The following RAPGEF6 variants were observed in gnomAD, a reference collection of about 807,000 sequenced individuals.
RAPGEF6 encodes PDZ domain containing guanine nucleotide exchange factor (GEF) 2.
In RAPGEF6, 56 loss-of-function variants were observed where a neutral mutation model predicts 171.4. The observed-to-expected ratio is 0.33, with a 90% CI of 0.26 to 0.41. RAPGEF6 has a LOEUF of 0.41. RAPGEF6 is among the 10% of genes least tolerant of loss of function. RAPGEF6 has a pLI of 1.00. For synonymous variants in RAPGEF6, 692 were observed against 650.1 expected, an observed-to-expected ratio of 1.06 and a Z score of -0.98; for missense variants, 1,674 against 1,921.4, an observed-to-expected ratio of 0.87 and a Z score of 2.41.
At chr5:131,550,182 A>G (rs1333173960) in intron 5 of RAPGEF6, among the ~76,000 whole-genome samples, 1 of 152,098 alleles carries the variant, frequency 6.6e-6, no homozygotes, top group Non-Finnish European at 1.5e-5. Flanking sequence ...AAACCACAGC[A>G]ATAGGTGATC....
chr5:131,596,915 T>C lies in RAPGEF6; in HGVS notation c.198-4449A>G, dbSNP rs537935440. Reference sequence around the variant, plus strand: ...CTGATTACATCAAACTAAAAAGTTTTTGCGCAGCAAAGGAAACAACTGACA... The same window carrying C: ...CTGATTACATCAAACTAAAAAGTTTCTGCGCAGCAAAGGAAACAACTGACA... On this transcript the variant is annotated intron_variant, in intron 3 of 27. Transcript: ENST00000509018. Among the ~76,000 whole-genome samples the C allele has an allele frequency of 3.9e-5, 6 of 152,288 alleles. No individual in the cohort carries two copies. The South Asian group carries it at 1.2e-3, about 32-fold the overall frequency.
intron 9 of RAPGEF6, 33 bp downstream of exon 9, chr5:131,508,038 T>C (rs1757478070): frequency 6.6e-7 from 1 of 1,519,460 alleles, no homozygotes; most frequent in Non-Finnish European, 8.9e-7. Flanking sequence ...TTAGTATCCA[T>C]AATAAATGTA....
At chr5:131,604,511 T>C (rs753229963) in intron 2 of RAPGEF6, 112 bp downstream of exon 2, 34 of 1,226,324 alleles carry the variant, frequency 2.8e-5, no homozygotes, top group Non-Finnish European at 3.5e-5. Context: ...CTATAATGCA[T>C]ATACCAAGGG....
chr5:131,588,554 C>T (rs920494071), intron 4 of RAPGEF6, among the ~76,000 whole-genome samples: 6 of 151,932 alleles, frequency 3.9e-5, no homozygotes, highest in African/African-American at 2.4e-5. Context: ...ACCAGCCTGG[C>T]CAACATGGTG....
At chr5:131,527,510 T>G (rs577883667) in intron 6 of RAPGEF6, among the ~76,000 whole-genome samples, 10 of 152,086 alleles carry the variant, frequency 6.6e-5, no homozygotes, top group African/African-American at 2.2e-4. Context: ...ATTTGAGGAG[T>G]AGCCACTTTG....
At chr5:131,436,425 T>A (rs1326413198) in intron 24 of RAPGEF6, 2 of 1,429,882 alleles carry the variant, frequency 1.4e-6, no homozygotes, top group East Asian at 2.5e-5. Context: ...CAATCACAAT[T>A]AGCCTTGTTT....
At chr5:131,529,581 G>A (rs1274421218) in intron 6 of RAPGEF6, among the ~76,000 whole-genome samples, 1 of 151,630 alleles carries the variant, frequency 6.6e-6, no homozygotes, top group African/African-American at 2.4e-5. Flanking sequence ...AGGCAATCCA[G>A]GGCAAAACTT....
chr5:131,433,451 TCTC>T lies in RAPGEF6; in HGVS notation c.3950_3952del (p.Gly1317del). ...TTACCCAGGGCCATGTTGACTATGA[TCTC>T]CTATCCCTGAAGCGTGCTCTGTCTT... On this transcript the variant is annotated inframe_deletion, in exon 25 of 28. Transcript: ENST00000509018. 5.0e-6 allele frequency: 8 copies of T among 1,612,610 alleles called. No homozygotes were observed. Among genetic ancestry groups the T allele is most frequent in the Non-Finnish European group, 6.8e-6 (8 of 1,178,616 alleles).
chr5:131,599,673 A>T (rs965027876), intron 3 of RAPGEF6, among the ~76,000 whole-genome samples: 9 of 152,180 alleles, frequency 5.9e-5, no homozygotes, highest in Non-Finnish European at 1.2e-4. Flanking sequence ...TTCAATCAAC[A>T]ATTTACATTT....
intron 6 of RAPGEF6, among the ~76,000 whole-genome samples, chr5:131,526,237 T>C (rs1046760669): frequency 6.6e-5 from 10 of 152,180 alleles, no homozygotes; most frequent in Admixed American, 4.6e-4. Flanking sequence ...CCTTACACAA[T>C]GGGAATAATG....
intron 6 of RAPGEF6, 142 bp downstream of exon 6, chr5:131,547,905 T>C: frequency 1.2e-6 from 1 of 827,196 alleles, no homozygotes; most frequent in Non-Finnish European, 1.9e-6. Flanking sequence ...AACAGAAGCA[T>C]TTAAAAAGAT....
intron 16 of RAPGEF6, among the ~76,000 whole-genome samples, chr5:131,475,584 T>G (rs1580884104): frequency 6.6e-6 from 1 of 152,214 alleles, no homozygotes; most frequent in South Asian, 2.1e-4. Context: ...GAGATGTTAC[T>G]TAGGCAACTG....
At chr5:131,512,114 G>A (rs1363977714) in intron 7 of RAPGEF6, among the ~76,000 whole-genome samples, 1 of 152,154 alleles carries the variant, frequency 6.6e-6, no homozygotes, top group Non-Finnish European at 1.5e-5. Flanking sequence ...CAAAGACTCA[G>A]AGCAACAAAG....
At chr5:131,516,461 C>T (rs1451546650) in intron 7 of RAPGEF6, among the ~76,000 whole-genome samples, 1 of 152,058 alleles carries the variant, frequency 6.6e-6, no homozygotes, top group Non-Finnish European at 1.5e-5. Flanking sequence ...ATTGGCACTC[C>T]GAGCTGTGCA....
intron 3 of RAPGEF6, among the ~76,000 whole-genome samples, chr5:131,596,324 CATT>C (rs1199359278): frequency 6.7e-6 from 1 of 148,352 alleles, no homozygotes; most frequent in Non-Finnish European, 1.5e-5. Context: ...ATAACAATTA[CATT>C]ATTTATAATA....
At chr5:131,539,153 T>C (rs985905884) in intron 6 of RAPGEF6, among the ~76,000 whole-genome samples, 2 of 152,196 alleles carry the variant, frequency 1.3e-5, no homozygotes, top group African/African-American at 4.8e-5. Context: ...CACTGTCTTA[T>C]ATACAAATAA....
At chr5:131,504,399 T>C (rs575664584) in intron 11 of RAPGEF6, among the ~76,000 whole-genome samples, 37 of 150,886 alleles carry the variant, frequency 2.5e-4, no homozygotes, top group Non-Finnish European at 4.7e-4. Flanking sequence ...GAGGCGGAGG[T>C]TGCAGTGAGC....
chr5:131,604,585 T>C (rs1380493953), intron 2 of RAPGEF6, 38 bp downstream of exon 2: 1 of 1,598,128 alleles, frequency 6.3e-7, no homozygotes, highest in Admixed American at 1.7e-5. Flanking sequence ...AATGAATGGC[T>C]ATACAGCGTG....
At chr5:131,597,328 T>G (rs1017322480) in intron 3 of RAPGEF6, among the ~76,000 whole-genome samples, 1 of 148,608 alleles carries the variant, frequency 6.7e-6, no homozygotes, top group East Asian at 2.0e-4. Context: ...AAAAAAAAAA[T>G]GGAACTTCTA....
Sources: allele counts gnomAD v4.1 joint callset (sites outside exome capture counted in the v4.1 genomes callset), GRCh38; gene constraint gnomAD v4.1.1; transcripts MANE v1.5; gene names NCBI Gene and HGNC (gene_info 2026-07-23, HGNC 2026-07-21).